The following ADCY7 variants were observed in gnomAD, a reference collection of about 807,000 sequenced individuals.
The protein encoded by ADCY7 is adenylate cyclase 7, also known as adenylate cyclase type 7.
A neutral mutation model predicts 120.6 loss-of-function variants in ADCY7; 72 were observed. The observed-to-expected ratio is 0.60, with a 90% CI of 0.49 to 0.73. ADCY7 has a LOEUF of 0.73. ADCY7 is among the 30% of genes least tolerant of loss of function. The pLI, the probability that ADCY7 is intolerant of heterozygous loss-of-function variation, is 0.00. For missense variants in ADCY7, 1,227 were observed against 1,486.0 expected, an observed-to-expected ratio of 0.83 and a Z score of 2.87; for synonymous variants, 661 against 628.0, an observed-to-expected ratio of 1.05 and a Z score of -0.78.
chr16:50,296,219 A>T (rs1171194496), intron 7 of ADCY7, among the ~76,000 whole-genome samples: 1 of 151,966 alleles, frequency 6.6e-6, no homozygotes, highest in Non-Finnish European at 1.5e-5. Flanking sequence ...CCCCAGGCTA[A>T]TTTTTTTGTA....
At position 50,301,122 on chromosome 16, in the gene ADCY7, A is replaced by G; in HGVS notation, c.1276A>G (p.Lys426Glu). 1 of 1,613,988 alleles carries G rather than the reference A, an allele frequency of 6.2e-7. No homozygotes were observed. ...GGAGGCCACGCTAAAGCACCTGGAC[A>G]AGGCGTACGAGGTGGAGGATGGGCA... is the stretch of plus-strand genomic sequence containing the variant. ...ITEATLKHLD[K>E]AYEVEDGHGQ... Residue 426 changes from lysine (K) to glutamate (E), a missense_variant, in exon 10 of 26, where the codon AAG becomes GAG. By Grantham distance (56) the Lys-to-Glu change is moderately conservative. Transcript: ENST00000673801.
chr16:50,292,703 T>C lies in ADCY7; in HGVS notation c.565T>C (p.Cys189Arg). 4 of 1,613,890 alleles carry C rather than the reference T, an allele frequency of 2.5e-6. No individual in the cohort carries two copies. The highest frequency in any genetic ancestry group is 3.4e-6 in the Non-Finnish European group (4 of 1,179,970). Reference sequence around the variant, plus strand: ...GCTGGCCAACGCAGTCATCTTCCTGTGTGGGAACCTGACAGGCGCCTTCCA... The same window carrying C: ...GCTGGCCAACGCAGTCATCTTCCTGCGTGGGAACCTGACAGGCGCCTTCCA... ...QLLANAVIFL[C>R]GNLTGAFHKH... Residue 189 changes from cysteine to arginine, a missense_variant, in exon 5 of 26, where the codon TGT becomes CGT. Around this residue, in one of 5 missense-constraint regions of ADCY7, gnomAD observed 382 missense variants for 411.4 expected, o/e 0.93. Transcript: ENST00000673801.
At chr16:50,287,201 A>T (rs1567549308) in intron 1 of ADCY7, among the ~76,000 whole-genome samples, 1 of 151,088 alleles carries the variant, frequency 6.6e-6, no homozygotes, top group Non-Finnish European at 1.5e-5. Context: ...TTTTTAGTGG[A>T]GGGGGGTTTT....
Position 50,300,667 on chromosome 16 carries a change from G to T in ADCY7, c.1077-48G>T. ...ACCCCACACCTGGGAGCTTCAGCCT[G>T]TCCCAGGGCTTAGGCAGGGCTGGGG... On this transcript the variant is annotated intron_variant, in intron 8 of 25. Transcript: ENST00000673801. The T allele has an allele frequency of 1.3e-6, 2 of 1,546,128 alleles. No homozygotes were observed. The highest frequency in any genetic ancestry group is 8.7e-7 in the Non-Finnish European group (1 of 1,143,814).
intron 8 of ADCY7, among the ~76,000 whole-genome samples, chr16:50,300,481 C>G (rs985160542): frequency 1.3e-5 from 2 of 152,212 alleles, no homozygotes; most frequent in African/African-American, 4.8e-5. Context: ...AATTCCTCCT[C>G]CCTCCTACCT....
At chr16:50,285,683 C>A (rs1402969772) in intron 1 of ADCY7, among the ~76,000 whole-genome samples, 2 of 152,220 alleles carry the variant, frequency 1.3e-5, no homozygotes, top group African/African-American at 4.8e-5. Flanking sequence ...CTGGAGGACA[C>A]TGGGGGCGTG....
intron 1 of ADCY7, among the ~76,000 whole-genome samples, chr16:50,277,458 C>G (rs1411201556): frequency 6.6e-6 from 1 of 152,176 alleles, no homozygotes; most frequent in Non-Finnish European, 1.5e-5. Context: ...CCAACACAGA[C>G]TTATGAGACT....
At chr16:50,312,795 G>A in intron 21 of ADCY7, 95 bp from the exon 22 acceptor site, 2 of 1,272,476 alleles carry the variant, frequency 1.6e-6, no homozygotes, top group Non-Finnish European at 1.1e-6. Flanking sequence ...GCTGGGCTGG[G>A]CAGTTCAGCA....
chr16:50,292,693 C>A lies in ADCY7; in HGVS notation c.555C>A (p.Val185=). The A allele has an allele frequency of 6.2e-7, 1 of 1,613,904 alleles. No individual in the cohort carries two copies. The highest frequency in any genetic ancestry group is 1.1e-5 in the South Asian group (1 of 91,074). Residue 185 remains valine, a synonymous_variant, in exon 5 of 26, where the codon GTC becomes GTA. Transcript: ENST00000673801. ...ACCCGCAGCTGCTGGCCAACGCAGT[C>A]ATCTTCCTGTGTGGGAACCTGACAG... is the stretch of plus-strand genomic sequence containing the variant. The part of the protein sequence containing the change: ...RVGLQLLANA[V]IFLCGNLTGA...
chr16:50,273,454 G>A (rs1567537832), intron 1 of ADCY7, among the ~76,000 whole-genome samples: 1 of 152,182 alleles, frequency 6.6e-6, no homozygotes, highest in Admixed American at 6.5e-5. Flanking sequence ...GGGGACCCAT[G>A]CCTGTCCTGT....
chr16:50,312,319 C>T (rs958960231), intron 21 of ADCY7, 128 bp downstream of exon 21: 94 of 1,036,268 alleles, frequency 9.1e-5, no homozygotes, highest in Admixed American at 2.2e-4. Flanking sequence ...CACCGGGATG[C>T]CCAGGCGACA....
rs1055190188 is a variant in ADCY7, at chr16:50,312,815, GCTC to G, written c.2605-72_2605-70del. ...GCTGGGCAGTTCAGCAGTGCCATCT[GCTC>G]CTGAGGCCTTGCCACTCTTCCTGTC... On this transcript the variant is annotated intron_variant, in intron 21 of 25. Coordinates refer to ENST00000673801, the MANE Select transcript of ADCY7 (RefSeq NM_001114.5). 4 of 1,468,790 alleles carry G rather than the reference GCTC, an allele frequency of 2.7e-6. No homozygotes were observed. The African/African-American group carries it at 6.3e-5, about 23-fold the overall frequency. The allele number at this position is 1,468,790 out of a possible 1,614,324, so 91.0% of individuals were successfully genotyped here.
At chr16:50,303,190 G>C (rs1280737316) in intron 10 of ADCY7, among the ~76,000 whole-genome samples, 2 of 152,166 alleles carry the variant, frequency 1.3e-5, no homozygotes, top group African/African-American at 4.8e-5. Context: ...AGGGGACAGA[G>C]AAACGCATCC....
chr16:50,314,453 C>T (rs538621062), intron 24 of ADCY7, 47 bp downstream of exon 24: 25 of 1,413,332 alleles, frequency 1.8e-5, no homozygotes, highest in Admixed American at 1.5e-4. Flanking sequence ...GCCTCTAGGC[C>T]AGTCCACCCA....
chr16:50,291,035 G>A (rs1221513379), intron 3 of ADCY7, among the ~76,000 whole-genome samples: 1 of 152,162 alleles, frequency 6.6e-6, no homozygotes, highest in Admixed American at 6.5e-5. Context: ...GTCCCCAGGT[G>A]GGGGCAGAGA....
chr16:50,312,864 G>C, intron 21 of ADCY7, 26 bp from the exon 22 acceptor site: 1 of 1,613,122 alleles, frequency 6.2e-7, no homozygotes, highest in South Asian at 1.1e-5. Context: ...GTGAAGTGGT[G>C]TAAGGTCCGG....
chr16:50,311,648 G>C, intron 19 of ADCY7, 45 bp from the exon 20 acceptor site: 3 of 1,367,364 alleles, frequency 2.2e-6, no homozygotes, highest in Non-Finnish European at 2.1e-6. Context: ...CAGTGGGTTG[G>C]AGTGGTGAGT....
chr16:50,314,161 GGGGCACA>G, intron 23 of ADCY7, 99 bp downstream of exon 23: 1 of 1,414,606 alleles, frequency 7.1e-7, no homozygotes, highest in Non-Finnish European at 9.9e-7. Context: ...TCCTGGGGGA[GGGGCACA>G]GGTACTTGTA....
chr16:50,251,148 G>T (rs2032745470), intron 1 of ADCY7, among the ~76,000 whole-genome samples: 1 of 152,066 alleles, frequency 6.6e-6, no homozygotes, highest in African/African-American at 2.4e-5. Flanking sequence ...GCTGAGGCAG[G>T]AGGATCACTT....
Sources: allele counts gnomAD v4.1 joint callset (sites outside exome capture counted in the v4.1 genomes callset), GRCh38; gene constraint gnomAD v4.1.1; regional missense constraint gnomAD v4.1.1; transcripts MANE v1.5; gene names NCBI Gene and HGNC (gene_info 2026-07-23, HGNC 2026-07-21).